ENDOV: variants seen among roughly 807,000 people sequenced by gnomAD.
ENDOV encodes endonuclease V.
Under a neutral mutation model 39.4 loss-of-function variants are expected in ENDOV, and 37 were observed. The observed-to-expected ratio is 0.94, with a 90% CI of 0.72 to 1.23. The LOEUF (loss-of-function observed/expected upper bound fraction) is 1.23. ENDOV is among the 50% of genes most tolerant of loss of function. The pLI is 0.00. For synonymous variants in ENDOV, 186 were observed against 163.4 expected (o/e 1.14, Z -1.05); for missense variants, 441 against 375.7 (o/e 1.17, Z -1.44).
intron 8 of ENDOV, 121 bp from the exon 9 acceptor site, chr17:80,429,652 G>C: frequency 1.1e-6 from 1 of 933,144 alleles, no homozygotes; most frequent in Middle Eastern, 3.0e-4. Flanking sequence ...CCTCTGCCCT[G>C]GGCTGTAGCA....
In ENDOV at chr17:80,435,324, A is replaced by C. The variant is rs1341741356; in HGVS notation, c.839-809A>C. Among the ~76,000 whole-genome samples the C allele has an allele frequency of 3.9e-5, 6 of 152,340 alleles. No homozygotes were observed. In the East Asian group the frequency reaches 1.2e-3, roughly 29 times the overall value. On this transcript the variant is annotated intron_variant, in intron 9 of 9. Coordinates refer to ENST00000518137, the MANE Select transcript of ENDOV (RefSeq NM_173627.5). ...CAAGGCCATGAAAATTTACACCTAC[A>C]TTTCCTTCTAAGAAATGTATAGTTT...
At chr17:80,424,995 A>C (rs2082509365) in intron 5 of ENDOV, 37 bp from the exon 6 acceptor site, 1 of 1,566,960 alleles carries the variant, frequency 6.4e-7, no homozygotes, top group Non-Finnish European at 8.8e-7. Flanking sequence ...CCAAGAAGAG[A>C]GGGGTTTTTT....
intron 3 of ENDOV, 111 bp from the exon 4 acceptor site, chr17:80,422,095 T>G: frequency 6.4e-7 from 1 of 1,567,958 alleles, no homozygotes; most frequent in Non-Finnish European, 8.7e-7. Context: ...AATGAGGATT[T>G]CTAAAAAGCT....
At chr17:80,426,683 A>C (rs938588094) in intron 7 of ENDOV, among the ~76,000 whole-genome samples, 29 of 152,182 alleles carry the variant, frequency 1.9e-4, no homozygotes, top group Admixed American at 1.8e-3. Flanking sequence ...ACTCAGCAGG[A>C]AGGTGTGGCC....
chr17:80,422,109 C>A lies in ENDOV; in HGVS notation c.364-97C>A, dbSNP rs769064278. ...GAATGAGGATTTCTAAAAAGCTGGA[C>A]CCCAGAGACAGTGCCCCCTTCTTGC... On this transcript the variant is annotated intron_variant, in intron 3 of 9. Transcript: ENST00000518137. 7 of 1,576,342 alleles carry A rather than the reference C, an allele frequency of 4.4e-6. No individual in the cohort carries two copies. The Admixed American group carries it at 7.1e-5, about 16-fold the overall frequency.
In ENDOV at chr17:80,436,430, C is replaced by T; in HGVS notation, c.*287C>T. On this transcript the variant is annotated 3_prime_UTR_variant, in exon 10 of 10. Transcript: ENST00000518137. ...TAGATTTTCAAGGATGCTCTTCATC[C>T]AGCTGAAGACGGTCCCTTCTAGTCC... 7.9e-7 allele frequency: 1 copy of T among 1,269,044 alleles called. No homozygotes were observed. The highest frequency in any genetic ancestry group is 1.5e-5 in the South Asian group (1 of 67,952). 78.6% of individuals were successfully genotyped at this position (1,269,044 alleles called of 1,614,324 possible).
chr17:80,432,671 C>T (rs2083400984), intron 9 of ENDOV, among the ~76,000 whole-genome samples: 1 of 152,094 alleles, frequency 6.6e-6, no homozygotes, highest in South Asian at 2.1e-4. Context: ...TTGCATGGTC[C>T]TTGGAAGAAC....
intron 8 of ENDOV, 26 bp downstream of exon 8, chr17:80,428,686 C>G: frequency 6.4e-7 from 1 of 1,559,568 alleles, no homozygotes; most frequent in Non-Finnish European, 8.7e-7. Flanking sequence ...GGCTGGGGCA[C>G]TAAAGGGGCA....
At chr17:80,420,856 T>C (rs768682619) in intron 2 of ENDOV, among the ~76,000 whole-genome samples, 2 of 152,224 alleles carry the variant, frequency 1.3e-5, no homozygotes, top group Non-Finnish European at 2.9e-5. Flanking sequence ...TTTGTATTTT[T>C]AGTAAACACG....
intron 2 of ENDOV, chr17:80,419,457 A>C: frequency 1.6e-6 from 1 of 638,848 alleles, no homozygotes; most frequent in Admixed American, 2.2e-5. Context: ...CCAGATGCTG[A>C]GCGATGGCTG....
chr17:80,425,764 C>T (rs1342430590), intron 7 of ENDOV, 144 bp downstream of exon 7: 1 of 1,318,434 alleles, frequency 7.6e-7, no homozygotes, highest in African/African-American at 1.5e-5. Flanking sequence ...AGGTCACAGA[C>T]ATCTTGCTGG....
At chr17:80,432,182 T>C (rs1019728403) in intron 9 of ENDOV, among the ~76,000 whole-genome samples, 1 of 152,108 alleles carries the variant, frequency 6.6e-6, no homozygotes, top group East Asian at 1.9e-4. Flanking sequence ...GAACACCTGC[T>C]TCAGAAGCTT....
chr17:80,435,904 T>C (rs7212185), intron 9 of ENDOV, among the ~76,000 whole-genome samples: 113,160 of 151,824 alleles, frequency 0.75, 42,216 homozygotes, highest in South Asian at 0.83. Context: ...GCGTGAGCCA[T>C]TGTGTCCGGC....
rs1346070673 is a variant in ENDOV at position 80,425,586 on chromosome 17, G to A, written c.680G>A (p.Cys227Tyr). ...LEAAVRLTCC[C>Y]CRFRIPEPVR... is the part of the protein sequence containing the mutation. Reference sequence around the variant, plus strand: ...GCCGCTGTGCGCCTGACTTGCTGCTGCTGCAGGTTCCGGATCCCAGAGCCC... The same window carrying A: ...GCCGCTGTGCGCCTGACTTGCTGCTACTGCAGGTTCCGGATCCCAGAGCCC... Residue 227 changes from cysteine to tyrosine, a missense_variant, in exon 7 of 10, where the codon TGC becomes TAC. Cys to Tyr is a radical substitution (Grantham distance 194, BLOSUM62 -2). Transcript: ENST00000518137. 1.3e-6 allele frequency: 2 copies of A among 1,590,520 alleles called. No individual in the cohort carries two copies. Among genetic ancestry groups the A allele is most frequent in the Non-Finnish European group, 1.7e-6 (2 of 1,173,368 alleles).
intron 9 of ENDOV, among the ~76,000 whole-genome samples, chr17:80,434,996 ATGG>A (rs2083518370): frequency 6.6e-6 from 1 of 152,182 alleles, no homozygotes; most frequent in South Asian, 2.1e-4. Flanking sequence ...CTGATGGCTA[ATGG>A]TGGTGAGCGC....
intron 1 of ENDOV, 42 bp downstream of exon 1, chr17:80,415,292 C>T: frequency 1.2e-6 from 2 of 1,606,874 alleles, no homozygotes; most frequent in Non-Finnish European, 8.5e-7. Context: ...GGGCCGAGGC[C>T]GGGCGGCCCT....
At chr17:80,425,724 CATG>C (rs2145025576) in intron 7 of ENDOV, 104 bp downstream of exon 7, 1 of 1,497,404 alleles carries the variant, frequency 6.7e-7, no homozygotes, top group Non-Finnish European at 8.9e-7. Flanking sequence ...AGTGCAGTGA[CATG>C]AGGACGGGGG....
intron 1 of ENDOV, 128 bp from the exon 2 acceptor site, chr17:80,415,522 T>C (rs2080990737): frequency 1.6e-6 from 2 of 1,245,922 alleles, no homozygotes; most frequent in Non-Finnish European, 2.2e-6. Context: ...CTCGGCGGTA[T>C]GTCCCTTGCT....
intron 2 of ENDOV, chr17:80,418,398 T>G (rs2081487435): frequency 6.6e-6 from 1 of 152,230 alleles, no homozygotes; most frequent in Non-Finnish European, 1.5e-5. Context: ...TCACATTGTA[T>G]TAAAGTTAGT....
Sources: gnomAD v4.1 joint callset for allele counts (sites outside exome capture counted in the v4.1 genomes callset) on GRCh38, gnomAD v4.1.1 for gene constraint, MANE v1.5 for transcripts, NCBI Gene and HGNC (gene_info 2026-07-23, HGNC 2026-07-21) for gene names.